The following IRAK4 variants were observed in gnomAD, a reference collection of about 807,000 sequenced individuals.
IRAK4 encodes interleukin-1 receptor-associated kinase 4.
In IRAK4, 44 loss-of-function variants were observed where a neutral mutation model predicts 51.8. The observed-to-expected ratio is 0.85, with a 90% CI of 0.67 to 1.09. The LOEUF (loss-of-function observed/expected upper bound fraction) is 1.09. Among genes scored for constraint, IRAK4 ranks in the 50% least tolerant of loss-of-function variants. IRAK4 has a pLI of 0.00. For missense variants in IRAK4, 487 were observed against 538.0 expected (o/e 0.91, Z 0.94); for synonymous variants, 149 against 174.1 (o/e 0.86, Z 1.13).
Position 43,772,335 on chromosome 12 carries a change from A to C in IRAK4, c.463A>C (p.Asn155His). 1 of 1,613,390 alleles carries C rather than the reference A, an allele frequency of 6.2e-7. No individual in the cohort carries two copies. ...GCCACCTGACTCCTCAAGTCCAGAA[A>C]ATAAAAGTTTAGAAGTTAGTGATAC... ...YMPPDSSSPE[N>H]KSLEVSDTRF... The change falls in exon 4 of 12, where the codon AAT (asparagine) becomes CAT (histidine). Residue 155 changes from asparagine to histidine, a missense_variant. Transcript: ENST00000613694.
intron 1 of IRAK4, among the ~76,000 whole-genome samples, chr12:43,760,445 T>TTCCAGCA (rs1939398963): frequency 6.6e-6 from 1 of 152,208 alleles, no homozygotes; most frequent in East Asian, 1.9e-4. Flanking sequence ...TTCTCAAAAC[T>TTCCAGCA]TCCAGCATCT....
Position 43,765,861 on chromosome 12 carries a change from A to G in IRAK4, c.-9-2242A>G, listed in dbSNP as rs567631524. On this transcript the variant is annotated intron_variant, in intron 1 of 11. Coordinates refer to ENST00000613694, the MANE Select transcript of IRAK4 (RefSeq NM_016123.4). Reference sequence around the variant, plus strand: ...GAGCCAAAAAAAAAAAAAAAACTTCATTCTATCTCCCTTTCTTCTAATCGC... The same window carrying G: ...GAGCCAAAAAAAAAAAAAAAACTTCGTTCTATCTCCCTTTCTTCTAATCGC... Among the ~76,000 whole-genome samples, 19 of 149,618 alleles carry G rather than the reference A, an allele frequency of 1.3e-4. No individual in the cohort carries two copies. The South Asian group carries it at 3.8e-3, about 30-fold the overall frequency.
At chr12:43,778,328 T>G in intron 8 of IRAK4, 26 bp downstream of exon 8, 1 of 1,248,508 alleles carries the variant, frequency 8.0e-7, no homozygotes, top group Non-Finnish European at 1.2e-6. Flanking sequence ...TAAAAGTTTT[T>G]GGAAAGCTGT....
chr12:43,762,091 G>A (rs909036590), intron 1 of IRAK4, among the ~76,000 whole-genome samples: 1 of 152,072 alleles, frequency 6.6e-6, no homozygotes, highest in African/African-American at 2.4e-5. Flanking sequence ...AAAGCAAAAT[G>A]AAAACAAAAC....
chr12:43,778,393 C>T, intron 8 of IRAK4, 91 bp downstream of exon 8: 1 of 746,214 alleles, frequency 1.3e-6, no homozygotes. Flanking sequence ...AGGTCTTAAC[C>T]TAGAGCATCT....
intron 6 of IRAK4, among the ~76,000 whole-genome samples, chr12:43,776,240 T>A (rs1339738268): frequency 6.6e-6 from 1 of 152,170 alleles, no homozygotes; most frequent in African/African-American, 2.4e-5. Context: ...CCAAGTTTTT[T>A]AACTTTCTAT....
rs537701018 is a variant in IRAK4 at position 43,758,955 on chromosome 12, G to A, written c.-71G>A. ...CCAACCCGGCAGGCCCCGCCCCTTCGCGGCGCTTCCTAGTTCGGCTGGTTC... is the reference window on the plus strand; with the variant it reads ...CCAACCCGGCAGGCCCCGCCCCTTCACGGCGCTTCCTAGTTCGGCTGGTTC... On this transcript the variant is annotated 5_prime_UTR_variant, in exon 1 of 12. Coordinates refer to ENST00000613694, the MANE Select transcript of IRAK4 (RefSeq NM_016123.4). The A allele has an allele frequency of 1.9e-5, 3 of 155,486 alleles. No individual in the cohort carries two copies. Among genetic ancestry groups the A allele is most frequent in the Non-Finnish European group, 2.8e-5 (2 of 71,200 alleles). 9.6% of individuals were successfully genotyped at this position (155,486 alleles called of 1,614,324 possible).
chr12:43,769,666 G>T (rs1940542800), intron 2 of IRAK4, among the ~76,000 whole-genome samples: 1 of 152,048 alleles, frequency 6.6e-6, no homozygotes, highest in South Asian at 2.1e-4. Flanking sequence ...TAGAGAAAAA[G>T]TATTGTACAC....
chr12:43,786,344 C>A lies in IRAK4; in HGVS notation c.1189-55C>A, dbSNP rs1042930362. Reference sequence around the variant, plus strand: ...AATTTAAATAATTAAAATATATATTCTATTTTCTTTCACTATGATTTGAAG... The same window carrying A: ...AATTTAAATAATTAAAATATATATTATATTTTCTTTCACTATGATTTGAAG... On this transcript the variant is annotated intron_variant, in intron 10 of 11. Transcript: ENST00000613694. 5 of 1,081,796 alleles carry A rather than the reference C, an allele frequency of 4.6e-6. No homozygotes were observed. In the African/African-American group the frequency reaches 8.1e-5, roughly 17 times the overall value. 67.0% of individuals were successfully genotyped at this position (1,081,796 alleles called of 1,614,324 possible).
intron 6 of IRAK4, among the ~76,000 whole-genome samples, chr12:43,774,468 C>T (rs993957094): frequency 6.6e-6 from 1 of 152,078 alleles, no homozygotes; most frequent in African/African-American, 2.4e-5. Context: ...AGGATAGTCT[C>T]GATCTCCTGA....
At chr12:43,782,610 C>A in intron 9 of IRAK4, 120 bp downstream of exon 9, 1 of 822,720 alleles carries the variant, frequency 1.2e-6, no homozygotes, top group Non-Finnish European at 1.9e-6. Flanking sequence ...ATAAGTTTTT[C>A]ACATTAACCT....
intron 8 of IRAK4, among the ~76,000 whole-genome samples, chr12:43,781,291 C>T (rs894876918): frequency 6.6e-6 from 1 of 152,198 alleles, no homozygotes; most frequent in Non-Finnish European, 1.5e-5. Context: ...TCCAGCCTAT[C>T]AGTTCTCATC....
chr12:43,770,734 T>C (rs754434717), intron 2 of IRAK4, among the ~76,000 whole-genome samples: 5 of 152,158 alleles, frequency 3.3e-5, no homozygotes, highest in African/African-American at 1.2e-4. Context: ...CCTATTTTCA[T>C]ATGACCTCAG....
Position 43,786,482 on chromosome 12 carries a change from T to C in IRAK4, c.1272T>C (p.Thr424=). The change falls in exon 11 of 12, where the codon ACT becomes ACC. Residue 424 remains threonine, a synonymous_variant. Coordinates refer to ENST00000613694, the MANE Select transcript of IRAK4 (RefSeq NM_016123.4). ...AAAAGATGAATGATGCTGATTCCACTTCAGTTGAAGCTATGTACTCTGTTG... is the reference window on the plus strand; with the variant it reads ...AAAAGATGAATGATGCTGATTCCACCTCAGTTGAAGCTATGTACTCTGTTG... ...IDKKMNDADS[T]SVEAMYSVAS... is the part of the protein sequence containing the mutation. 6.2e-7 allele frequency: 1 copy of C among 1,612,954 alleles called. No homozygotes were observed. The highest frequency in any genetic ancestry group is 1.1e-5 in the South Asian group (1 of 90,682).
intron 9 of IRAK4, among the ~76,000 whole-genome samples, chr12:43,782,874 C>T (rs1004777895): frequency 3.3e-5 from 5 of 152,022 alleles, no homozygotes; most frequent in Admixed American, 1.3e-4. Flanking sequence ...TTGAAGAAGC[C>T]GGGGGCTTTT....
chr12:43,782,227 C>A, intron 8 of IRAK4, 80 bp from the exon 9 acceptor site: 1 of 850,672 alleles, frequency 1.2e-6, no homozygotes. Flanking sequence ...TGCATACATA[C>A]GTACATCTAG....
intron 1 of IRAK4, among the ~76,000 whole-genome samples, chr12:43,763,717 C>T (rs531763611): frequency 6.6e-6 from 1 of 151,314 alleles, no homozygotes; most frequent in South Asian, 2.1e-4. Context: ...ATTTTCCCTC[C>T]CCTCATACTC....
intron 9 of IRAK4, 143 bp downstream of exon 9, chr12:43,782,633 G>C (rs1941878369): frequency 4.3e-6 from 3 of 691,866 alleles, no homozygotes; most frequent in Non-Finnish European, 7.0e-6. Flanking sequence ...ACTTATACCA[G>C]AAAGTTTATA....
chr12:43,774,036 C>A lies in IRAK4; in HGVS notation c.716+7C>A. 2 of 1,602,376 alleles carry A rather than the reference C, an allele frequency of 1.2e-6. No homozygotes were observed. The highest frequency in any genetic ancestry group is 8.5e-7 in the Non-Finnish European group (1 of 1,172,062). ...AAATAAAAGTAATGGCAAAGTAAGT[C>A]TTAATCTGGCAGTGCGGTGTAGTGG... On this transcript the variant is annotated splice_region_variant and intron_variant, in intron 6 of 11. Transcript: ENST00000613694.
Sources: gnomAD v4.1 joint callset for allele counts (sites outside exome capture counted in the v4.1 genomes callset) on GRCh38, gnomAD v4.1.1 for gene constraint, MANE v1.5 for transcripts, NCBI Gene and HGNC (gene_info 2026-07-23, HGNC 2026-07-21) for gene names.